STAB2: variants seen among roughly 807,000 people sequenced by gnomAD.
The protein encoded by STAB2 is stabilin-2.
In STAB2, 288 loss-of-function variants were observed where a neutral mutation model predicts 338.1. That is an observed-to-expected ratio of 0.85 (90% CI 0.77 to 0.94). The LOEUF (loss-of-function observed/expected upper bound fraction) is 0.94, where lower values mean the gene tolerates loss of function less well. Ranked by LOEUF, STAB2 falls within the 40% of genes least tolerant of loss-of-function variation. The pLI is 0.00. For missense variants in STAB2, 3,141 were observed against 3,210.1 expected (o/e 0.98, Z 0.52); for synonymous variants, 1,202 against 1,193.3 (o/e 1.01, Z -0.15).
chr12:103,690,052 A>G (rs1593239628), intron 29 of STAB2, 70 bp downstream of exon 29: 3 of 1,553,914 alleles, frequency 1.9e-6, no homozygotes, highest in East Asian at 2.3e-5. Flanking sequence ...TTGAAGTTCA[A>G]TGTAGGAAAA....
intron 44 of STAB2, among the ~76,000 whole-genome samples, chr12:103,724,368 C>G (rs766060007): frequency 6.6e-6 from 1 of 152,096 alleles, no homozygotes; most frequent in Non-Finnish European, 1.5e-5. Context: ...TTGCTAATGG[C>G]AATGACTTTG....
At position 103,587,541 on chromosome 12, in the gene STAB2, C is replaced by A. The variant is rs745325117; in HGVS notation, c.65C>A (p.Ala22Asp). The A allele has an allele frequency of 6.2e-7, 1 of 1,613,906 alleles. No individual in the cohort carries two copies. The highest frequency in any genetic ancestry group is 8.5e-7 in the Non-Finnish European group (1 of 1,179,818). The change falls in exon 1 of 69, where the codon GCT becomes GAT. Residue 22 changes from alanine (A) to aspartate (D), a missense_variant. By Grantham distance (126) the Ala-to-Asp change is moderately radical. Transcript: ENST00000388887. ...GLVVQNFCSPAETTGQARRCD... is the reference protein window; with the variant it reads ...GLVVQNFCSPDETTGQARRCD... ...GTTGTACAAAATTTCTGCTCCCCAG[C>A]TGAAACCACAGGGCAGGTAAGAGGA...
Position 103,641,524 on chromosome 12 carries a change from T to C in STAB2, c.1040+1268T>C, listed in dbSNP as rs1306342457. Among the ~76,000 whole-genome samples the C allele has an allele frequency of 2.0e-5, 3 of 152,166 alleles. No individual in the cohort carries two copies. The East Asian group carries it at 5.8e-4, about 29-fold the overall frequency. On this transcript the variant is annotated intron_variant, in intron 9 of 68. Transcript: ENST00000388887. ...CACACAAATACACCACAGCCATGCA[T>C]ATAGGCACAGAGGCACCCAACACAC...
intron 22 of STAB2, among the ~76,000 whole-genome samples, chr12:103,673,140 A>G (rs1875975857): frequency 6.6e-6 from 1 of 152,166 alleles, no homozygotes; most frequent in South Asian, 2.1e-4. Flanking sequence ...CAAACATATT[A>G]GCTACTTATC....
At chr12:103,660,590 T>G (rs1874524511) in intron 16 of STAB2, 93 bp from the exon 17 acceptor site, 3 of 1,441,216 alleles carry the variant, frequency 2.1e-6, no homozygotes, top group Non-Finnish European at 2.9e-6. Context: ...TTATTTCACT[T>G]TGAAACCTAT....
chr12:103,719,365 T>C (rs1193693275), intron 44 of STAB2, among the ~76,000 whole-genome samples: 1 of 152,236 alleles, frequency 6.6e-6, no homozygotes, highest in African/African-American at 2.4e-5. Flanking sequence ...AAAGAGACTC[T>C]AGCTGTGCCT....
chr12:103,758,357 C>T, intron 64 of STAB2, 68 bp downstream of exon 64: 8 of 1,594,332 alleles, frequency 5.0e-6, no homozygotes, highest in Non-Finnish European at 6.8e-6. Flanking sequence ...AATGCTGTGT[C>T]ACAAATTACC....
chr12:103,725,564 A>G (rs1246164318), intron 45 of STAB2, among the ~76,000 whole-genome samples: 2 of 151,966 alleles, frequency 1.3e-5, no homozygotes, highest in Non-Finnish European at 2.9e-5. Flanking sequence ...GTGTGCGTGC[A>G]CGTGTTAATG....
chr12:103,703,514 C>T (rs958716099), intron 35 of STAB2, among the ~76,000 whole-genome samples: 4 of 151,998 alleles, frequency 2.6e-5, no homozygotes, highest in Non-Finnish European at 5.9e-5. Context: ...ACCTTGTGTG[C>T]CTGGGAAAGG....
At chr12:103,687,965 T>C (rs553530441) in intron 27 of STAB2, among the ~76,000 whole-genome samples, 3 of 152,216 alleles carry the variant, frequency 2.0e-5, no homozygotes, top group Non-Finnish European at 4.4e-5. Context: ...GTGAAAGAAA[T>C]GTGCGGTTCT....
chr12:103,720,498 TA>T (rs1880679140), intron 44 of STAB2, among the ~76,000 whole-genome samples: 1 of 152,256 alleles, frequency 6.6e-6, no homozygotes, highest in African/African-American at 2.4e-5. Context: ...CCTGACATTT[TA>T]AAAGATATGA....
At chr12:103,759,015 C>A in intron 64 of STAB2, 118 bp from the exon 65 acceptor site, 1 of 1,537,898 alleles carries the variant, frequency 6.5e-7, no homozygotes, top group Non-Finnish European at 8.9e-7. Context: ...CTGATCTCCA[C>A]ATGGAGGCAG....
chr12:103,713,571 T>G, intron 41 of STAB2, 72 bp from the exon 42 acceptor site: 1 of 1,589,224 alleles, frequency 6.3e-7, no homozygotes, highest in Non-Finnish European at 8.6e-7. Flanking sequence ...CATTTCTCAA[T>G]GACTTGAGGA....
chr12:103,748,302 C>T (rs1325622752), intron 58 of STAB2, among the ~76,000 whole-genome samples: 1 of 152,124 alleles, frequency 6.6e-6, no homozygotes, highest in Non-Finnish European at 1.5e-5. Context: ...CAAGTGGCTG[C>T]ATAAATGCAG....
intron 31 of STAB2, among the ~76,000 whole-genome samples, chr12:103,693,969 G>T (rs1165587667): frequency 6.6e-6 from 1 of 151,572 alleles, no homozygotes; most frequent in African/African-American, 2.4e-5. Context: ...TGGCCAACAT[G>T]GTGAAGCCCC....
intron 8 of STAB2, among the ~76,000 whole-genome samples, chr12:103,638,487 C>A (rs753003632): frequency 2.6e-5 from 4 of 152,190 alleles, no homozygotes; most frequent in Non-Finnish European, 4.4e-5. Context: ...GCAAAATATA[C>A]ACATAATTCA....
chr12:103,744,434 G>A (rs931397502), intron 56 of STAB2, among the ~76,000 whole-genome samples: 1 of 148,880 alleles, frequency 6.7e-6, no homozygotes, highest in African/African-American at 2.5e-5. Context: ...TTACAGGCAT[G>A]ATCCACTGCA....
intron 39 of STAB2, chr12:103,711,182 C>CATGG (rs1246301021): frequency 4.5e-6 from 2 of 440,362 alleles, no homozygotes; most frequent in African/African-American, 4.0e-5. Context: ...CATAAGAGCA[C>CATGG]ATGGTCACAT....
intron 57 of STAB2, 59 bp from the exon 58 acceptor site, chr12:103,746,538 G>A (rs561412607): frequency 1.3e-6 from 2 of 1,537,018 alleles, no homozygotes; most frequent in East Asian, 2.3e-5. Flanking sequence ...AGTCTCCTTA[G>A]ATGGGTTTTA....
Sources: allele counts gnomAD v4.1 joint callset (sites outside exome capture counted in the v4.1 genomes callset), GRCh38; gene constraint gnomAD v4.1.1; transcripts MANE v1.5; gene names NCBI Gene and HGNC (gene_info 2026-07-23, HGNC 2026-07-21).